The following FRMD4A variants were observed in gnomAD, a reference collection of about 807,000 sequenced individuals.
The protein encoded by FRMD4A is FERM domain-containing protein 4A.
In FRMD4A, 29 loss-of-function variants were observed where a neutral mutation model predicts 129.1. The observed-to-expected ratio is 0.22, with a 90% CI of 0.17 to 0.31. FRMD4A has a LOEUF of 0.31. Among genes scored for constraint, FRMD4A ranks in the 10% least tolerant of loss-of-function variants. FRMD4A has a pLI of 1.00. For missense variants in FRMD4A, 1,272 were observed against 1,375.8 expected (o/e 0.92, Z 1.19); for synonymous variants, 634 against 571.6 (o/e 1.11, Z -1.56).
chr10:13,955,723 G>T (rs2095406564), intron 2 of FRMD4A, among the ~76,000 whole-genome samples: 1 of 152,230 alleles, frequency 6.6e-6, no homozygotes, highest in Non-Finnish European at 1.5e-5. Flanking sequence ...GGTCTACTTT[G>T]TTTTGGAATT....
Position 13,646,091 on chromosome 10 carries a change from A to C in FRMD4A, c.*947T>G, listed in dbSNP as rs1455668779. 6.6e-6 allele frequency: 1 copy of C among 152,494 alleles called. No homozygotes were observed. Among genetic ancestry groups the C allele is most frequent in the Admixed American group, 6.5e-5 (1 of 15,284 alleles). The allele number at this position is 152,494 out of a possible 1,614,324, so 9.4% of individuals were successfully genotyped here. A position where few individuals can be genotyped will look rare whatever the true frequency, so the allele number is the denominator to read the frequency against. On this transcript the variant is annotated 3_prime_UTR_variant, in exon 25 of 25. Transcript: ENST00000357447. ...TCTCTTTGTGTCCAGATGGATGGCG[A>C]CTGTGAGTCAGCAACGCCAGCCAAG...
intron 15 of FRMD4A, chr10:13,693,433 G>A (rs749861435): frequency 3.5e-5 from 31 of 877,018 alleles, no homozygotes; most frequent in Admixed American, 1.5e-4. Flanking sequence ...CATGCCCTGC[G>A]ACACGATGGA....
chr10:14,200,773 C>A (rs1164129597), intron 2 of FRMD4A, among the ~76,000 whole-genome samples: 1 of 152,172 alleles, frequency 6.6e-6, no homozygotes, highest in Non-Finnish European at 1.5e-5. Context: ...CCCTTCCAGG[C>A]GCTTTTTTCC....
intron 12 of FRMD4A, among the ~76,000 whole-genome samples, chr10:13,720,015 C>G (rs570701739): frequency 3.8e-4 from 58 of 152,286 alleles, no homozygotes; most frequent in Middle Eastern, 3.4e-3. Flanking sequence ...CTATCTTGCT[C>G]TCTACGTGGA....
At chr10:13,804,557 T>TCC (rs1286188255) in intron 4 of FRMD4A, among the ~76,000 whole-genome samples, 1 of 151,976 alleles carries the variant, frequency 6.6e-6, no homozygotes. Context: ...ATTTCTTTTT[T>TCC]TTGTTGAGAC....
At chr10:14,174,049 G>A (rs1291520497) in intron 2 of FRMD4A, among the ~76,000 whole-genome samples, 1 of 151,998 alleles carries the variant, frequency 6.6e-6, no homozygotes, top group Non-Finnish European at 1.5e-5. Flanking sequence ...TTCCATGGTG[G>A]CAGAATCCTC....
At chr10:14,035,807 G>A (rs1311942217) in intron 2 of FRMD4A, among the ~76,000 whole-genome samples, 1 of 152,178 alleles carries the variant, frequency 6.6e-6, no homozygotes, top group African/African-American at 2.4e-5. Flanking sequence ...AAACACACTA[G>A]TAAGCGAATC....
At chr10:13,994,288 C>A (rs2095614755) in intron 2 of FRMD4A, among the ~76,000 whole-genome samples, 1 of 150,288 alleles carries the variant, frequency 6.7e-6, no homozygotes, top group African/African-American at 2.5e-5. Context: ...CAAGCAATTC[C>A]CCTGCCTCAG....
intron 2 of FRMD4A, among the ~76,000 whole-genome samples, chr10:13,967,256 G>A (rs2095491082): frequency 6.6e-6 from 1 of 152,188 alleles, no homozygotes; most frequent in Non-Finnish European, 1.5e-5. Flanking sequence ...GGAATGGCGT[G>A]AACCCGGGAG....
chr10:13,665,972 CA>C (rs1281280706), intron 18 of FRMD4A, 124 bp downstream of exon 18: 5 of 670,236 alleles, frequency 7.5e-6, no homozygotes, highest in Non-Finnish European at 1.3e-5. Flanking sequence ...TATGGATGGA[CA>C]AATGAAGGCA....
intron 1 of FRMD4A, 52 bp from the exon 2 acceptor site, chr10:14,330,235 G>T (rs1843462878): frequency 1.2e-6 from 1 of 831,838 alleles, no homozygotes; most frequent in Non-Finnish European, 2.0e-6. Context: ...GGCTCAAGGG[G>T]AAGATAGGCC....
At chr10:14,300,094 C>T (rs568691920) in intron 2 of FRMD4A, among the ~76,000 whole-genome samples, 23 of 151,870 alleles carry the variant, frequency 1.5e-4, no homozygotes, top group South Asian at 1.2e-3. Flanking sequence ...CGTGTAGGAG[C>T]CCTACACGAA....
rs140489329 is a variant in FRMD4A at position 14,251,869 on chromosome 10, G to A, written c.45+78189C>T. ...GGTTTATGGGAGGAAGATCAAACGA[G>A]CATGTGTGCACACATGTGCACACAC... On this transcript the variant is annotated intron_variant, in intron 2 of 24. Transcript: ENST00000357447. Among the ~76,000 whole-genome samples, 40 of 151,500 alleles carry A rather than the reference G, an allele frequency of 2.6e-4. No homozygotes were observed. The East Asian group carries it at 6.0e-3, about 23-fold the overall frequency.
chr10:13,858,904 C>T lies in FRMD4A; in HGVS notation c.54G>A (p.Glu18=). The T allele has an allele frequency of 1.3e-6, 2 of 1,594,338 alleles. No individual in the cohort carries two copies. The highest frequency in any genetic ancestry group is 8.6e-7 in the Non-Finnish European group (1 of 1,162,010). The change falls in exon 3 of 25, where the codon GAG becomes GAA. Residue 18 remains glutamate (E), a synonymous_variant. Transcript: ENST00000357447. ...GAAGATGTACTTGACATCGGCGGCC[C>T]TCCGTCATCTAAGAGGGAAGAGAAA... ...DSALGLLMMT[E]GRRCQVHLLD... is the part of the protein sequence containing the mutation.
intron 15 of FRMD4A, chr10:13,684,134 A>T (rs2084866125): frequency 6.3e-6 from 1 of 159,526 alleles, no homozygotes; most frequent in South Asian, 2.0e-4. Flanking sequence ...GGAGGAAATG[A>T]TCTACTTGAA....
intron 2 of FRMD4A, among the ~76,000 whole-genome samples, chr10:13,891,317 A>G (rs1053950369): frequency 8.5e-5 from 13 of 152,122 alleles, no homozygotes; most frequent in African/African-American, 3.1e-4. Context: ...AAAAGCCTAC[A>G]CAGCTCTGCC....
At chr10:13,810,160 T>C (rs191645505) in intron 4 of FRMD4A, among the ~76,000 whole-genome samples, 3 of 152,348 alleles carry the variant, frequency 2.0e-5, no homozygotes, top group Admixed American at 2.0e-4. Context: ...ACTATTTTCT[T>C]AGAATAGCTC....
intron 2 of FRMD4A, chr10:13,890,790 C>T (rs2094686397): frequency 3.0e-6 from 3 of 985,166 alleles, no homozygotes; most frequent in Non-Finnish European, 2.4e-6. Context: ...CTGCACTTCC[C>T]GGGGGGCTGG....
rs183982585 is a variant in FRMD4A, at chr10:13,755,599, C to A, written c.464+6048G>T. ...CCTCTTCTAAAATGGAGGTGAAAATCAATTTTCCTTGTTAATGAGGGACTG... is the reference window on the plus strand; with the variant it reads ...CCTCTTCTAAAATGGAGGTGAAAATAAATTTTCCTTGTTAATGAGGGACTG... On this transcript the variant is annotated intron_variant, in intron 8 of 24. Transcript: ENST00000357447. Among the ~76,000 whole-genome samples the A allele has an allele frequency of 7.2e-5, 11 of 152,290 alleles. No individual in the cohort carries two copies. The East Asian group carries it at 1.9e-3, about 27-fold the overall frequency.
Sources: gnomAD v4.1 joint callset for allele counts (sites outside exome capture counted in the v4.1 genomes callset) on GRCh38, gnomAD v4.1.1 for gene constraint, MANE v1.5 for transcripts, NCBI Gene and HGNC (gene_info 2026-07-23, HGNC 2026-07-21) for gene names.